Variants in KLHL3 observed in about 807,000 individuals in gnomAD.
KLHL3 encodes kelch-like protein 3.
A neutral mutation model predicts 70.5 loss-of-function variants in KLHL3; 19 were observed. The observed-to-expected ratio is 0.27, with a 90% CI of 0.19 to 0.40. The LOEUF is 0.40. Ranked by LOEUF, KLHL3 falls within the 10% of genes least tolerant of loss-of-function variation. The pLI is 1.00. For synonymous variants in KLHL3, 258 were observed against 290.3 expected (o/e 0.89, Z 1.13); for missense variants, 512 against 771.1 (o/e 0.66, Z 3.98).
Position 137,639,733 on chromosome 5 carries a change from A to T in KLHL3, c.1021+127T>A. On this transcript the variant is annotated intron_variant, in intron 9 of 14. Transcript: ENST00000309755. This position sits in a 1 kb window ranked among gnomAD's most constrained non-coding sequence, Gnocchi z 5.0. ...AACCAAAAAAAAAAAAAAAGTGTGC[A>T]GGAGGGAAACGAATGGGAGCCTGAA... 1 of 617,408 alleles carries T rather than the reference A, an allele frequency of 1.6e-6. No individual in the cohort carries two copies. 38.2% of individuals were successfully genotyped at this position (617,408 alleles called of 1,614,324 possible).
chr5:137,637,443 C>A, intron 10 of KLHL3, 48 bp from the exon 11 acceptor site: 1 of 1,549,146 alleles, frequency 6.5e-7, no homozygotes, highest in South Asian at 1.1e-5. Flanking sequence ...AGGCCTCACC[C>A]TGCTGTGTGA....
chr5:137,697,250 G>A (rs888436822), intron 4 of KLHL3, among the ~76,000 whole-genome samples: 2 of 151,002 alleles, frequency 1.3e-5, no homozygotes, highest in African/African-American at 4.9e-5. Flanking sequence ...AGCAACCTCC[G>A]CCTCCTGGGT....
At chr5:137,705,983 A>C in intron 3 of KLHL3, 1 of 984,756 alleles carries the variant, frequency 1.0e-6, no homozygotes, top group Non-Finnish European at 1.2e-6. Flanking sequence ...AAATAGGTTG[A>C]CTGCTCACCC....
At chr5:137,646,265 A>C (rs1751042964) in intron 8 of KLHL3, among the ~76,000 whole-genome samples, 2 of 152,238 alleles carry the variant, frequency 1.3e-5, no homozygotes, top group African/African-American at 2.4e-5. Flanking sequence ...TAGAAGGTCT[A>C]CTGCAGAAAA....
At position 137,618,217 on chromosome 5, in the gene KLHL3, C is replaced by T. The variant is rs180979679; in HGVS notation, c.*3881G>A. The T allele has an allele frequency of 3.3e-4, 50 of 152,682 alleles. No individual in the cohort carries two copies. Among genetic ancestry groups the T allele is most frequent in the African/African-American group, 1.1e-3 (44 of 41,530 alleles). The allele number at this position is 152,682 out of a possible 1,614,324, so 9.5% of individuals were successfully genotyped here. A position where few individuals can be genotyped will look rare whatever the true frequency, so the allele number is the denominator to read the frequency against. On this transcript the variant is annotated 3_prime_UTR_variant, in exon 15 of 15. Transcript: ENST00000309755. ...TAACCTCCTTGCTTCTCCAGGCAAA[C>T]AGAGCCTTTAAAAACTCCAACTAAC...
intron 5 of KLHL3, among the ~76,000 whole-genome samples, chr5:137,679,153 T>C (rs1023746811): frequency 6.7e-6 from 1 of 150,304 alleles, no homozygotes; most frequent in Admixed American, 6.7e-5. Context: ...CAATCTTCTT[T>C]GGATGGTAAG....
At chr5:137,711,965 C>A (rs966072958) in intron 2 of KLHL3, among the ~76,000 whole-genome samples, 15 of 151,230 alleles carry the variant, frequency 9.9e-5, no homozygotes, top group African/African-American at 2.9e-4. Flanking sequence ...ACCAGCCTTG[C>A]CAACATGGTG....
At chr5:137,642,919 T>C (rs1431158261) in intron 8 of KLHL3, among the ~76,000 whole-genome samples, 3 of 150,866 alleles carry the variant, frequency 2.0e-5, no homozygotes, top group Non-Finnish European at 4.4e-5. Context: ...CCCCAGAAAC[T>C]ATCTCCCACC....
intron 1 of KLHL3, among the ~76,000 whole-genome samples, chr5:137,730,847 A>G (rs754161492): frequency 6.6e-6 from 1 of 152,194 alleles, no homozygotes; most frequent in Non-Finnish European, 1.5e-5. Context: ...AAAGTCCAGG[A>G]AAGTTGTGCT....
chr5:137,692,657 T>C (rs1441348280), intron 4 of KLHL3: 2 of 544,652 alleles, frequency 3.7e-6, no homozygotes, highest in Non-Finnish European at 6.6e-6. Flanking sequence ...TCTGTATCCC[T>C]ACAGCCATGC....
rs111972904 is a variant in KLHL3, at chr5:137,627,474, ACCACC to A, written c.1591+818_1591+822del. Among the ~76,000 whole-genome samples, 98 of 53,108 alleles carry A rather than the reference ACCACC, an allele frequency of 1.8e-3. 15 individuals carry two copies. Among genetic ancestry groups the A allele is most frequent in the African/African-American group, 4.8e-3 (89 of 18,656 alleles). The allele number at this position is 53,108 out of a possible 152,430, so 34.8% of individuals were successfully genotyped here. On this transcript the variant is annotated intron_variant, in intron 13 of 14. Coordinates refer to ENST00000309755, the MANE Select transcript of KLHL3 (RefSeq NM_017415.3). ...GGCAATGAGTAAATTAGTAAATATC[ACCACC>A]CCCCCCCCCGGTTTACACTTCCAAG...
intron 14 of KLHL3, among the ~76,000 whole-genome samples, chr5:137,623,457 G>A (rs1412226248): frequency 1.3e-5 from 2 of 152,220 alleles, no homozygotes; most frequent in Non-Finnish European, 2.9e-5. Flanking sequence ...GGTCTTGACA[G>A]CATCTTACTT....
rs1752928966 is a variant in KLHL3 at position 137,718,100 on chromosome 5, A to G, written c.134+2365T>C. 2.0e-5 allele frequency among the ~76,000 whole-genome samples: 3 copies of G among 152,242 alleles called. No homozygotes were observed. In the South Asian group the frequency reaches 6.2e-4, roughly 31 times the overall value. On this transcript the variant is annotated intron_variant, in intron 2 of 14. Transcript: ENST00000309755. ...CATTATGAACCTCAGAGAGGGGTAC[A>G]GTATATAGCATTCTTCAAACTCATT...
chr5:137,686,446 T>C (rs73790032), intron 5 of KLHL3, among the ~76,000 whole-genome samples: 3,441 of 152,270 alleles, frequency 0.023, 122 homozygotes, highest in African/African-American at 0.077. Flanking sequence ...GAGAAGAAAA[T>C]AGGCTCAGGA....
intron 1 of KLHL3, among the ~76,000 whole-genome samples, chr5:137,729,524 C>A (rs1466715105): frequency 3.9e-5 from 6 of 152,124 alleles, no homozygotes; most frequent in African/African-American, 1.2e-4. Context: ...AGTTTGGCCT[C>A]CCCCGTGGTT....
intron 6 of KLHL3, among the ~76,000 whole-genome samples, chr5:137,674,519 G>A (rs545592539): frequency 6.6e-5 from 10 of 152,228 alleles, no homozygotes; most frequent in South Asian, 2.1e-4. Context: ...ATTTTAAGGC[G>A]TATGTGTTTT....
chr5:137,689,419 G>A (rs1162738345), intron 5 of KLHL3, among the ~76,000 whole-genome samples: 5 of 152,192 alleles, frequency 3.3e-5, no homozygotes, highest in Non-Finnish European at 7.3e-5. Context: ...GCAAAGACAT[G>A]CAATCAATCT....
Position 137,617,578 on chromosome 5 carries a change from A to G in KLHL3, c.*4520T>C, listed in dbSNP as rs1220948728. ...TCCTGTTAAAATAATACATTTGAGG[A>G]AATGTTTCTTCAGCTATTGCTGTAA... On this transcript the variant is annotated 3_prime_UTR_variant, in exon 15 of 15. Coordinates refer to ENST00000309755, the MANE Select transcript of KLHL3 (RefSeq NM_017415.3). The G allele has an allele frequency of 6.6e-6, 1 of 152,222 alleles. No homozygotes were observed. Among genetic ancestry groups the G allele is most frequent in the Non-Finnish European group, 1.5e-5 (1 of 68,038 alleles). 9.4% of individuals were successfully genotyped at this position (152,222 alleles called of 1,614,324 possible).
intron 8 of KLHL3, among the ~76,000 whole-genome samples, chr5:137,641,111 CTATAGTT>C (rs1750904331): frequency 6.6e-6 from 1 of 152,126 alleles, no homozygotes; most frequent in Non-Finnish European, 1.5e-5. Context: ...TACCAGTTAC[CTATAGTT>C]TACATATTTT....
Sources: allele counts gnomAD v4.1 joint callset (sites outside exome capture counted in the v4.1 genomes callset), GRCh38; gene constraint gnomAD v4.1.1; non-coding constraint Gnocchi (gnomAD v3.1); transcripts MANE v1.5; gene names NCBI Gene and HGNC (gene_info 2026-07-23, HGNC 2026-07-21).